The following RBFOX1 variants were observed in gnomAD, a reference collection of about 807,000 sequenced individuals.
RBFOX1 encodes RNA binding fox-1 homolog 1, also known as RNA binding protein fox-1 homolog 1.
RBFOX1 carries 8 observed loss-of-function variants against 57.7 expected under a neutral mutation model. That is an observed-to-expected ratio of 0.14 (90% CI 0.08 to 0.25). The LOEUF (loss-of-function observed/expected upper bound fraction) is 0.25. Ranked by LOEUF, RBFOX1 falls within the 10% of genes least tolerant of loss-of-function variation. RBFOX1 has a pLI of 1.00. For missense variants in RBFOX1, 611 were observed against 548.5 expected (o/e 1.11, Z -1.14); for synonymous variants, 326 against 222.4 (o/e 1.47, Z -4.15).
chr16:7,144,425 T>TTTTTTC (rs1299555108), intron 4 of RBFOX1, among the ~76,000 whole-genome samples: 2 of 139,490 alleles, frequency 1.4e-5, no homozygotes, highest in East Asian at 4.2e-4. Flanking sequence ...TTCTTTTTTT[T>TTTTTTC]TTTTTTTTTT....
rs150737173 is a variant in RBFOX1, at chr16:7,462,586, C to G, written c.28-55561C>G. Among the ~76,000 whole-genome samples the G allele has an allele frequency of 2.0e-5, 3 of 152,354 alleles. No individual in the cohort carries two copies. The East Asian group carries it at 5.8e-4, about 29-fold the overall frequency. ...CTTCGGCATGACTCAACTGGGTCCT[C>G]TGTTTAGAGATTCACAAGACGGAAA... On this transcript the variant is annotated intron_variant, in intron 4 of 15. Coordinates refer to ENST00000550418, the MANE Select transcript of RBFOX1 (RefSeq NM_018723.4).
At chr16:6,999,706 A>G (rs972728884) in intron 3 of RBFOX1, among the ~76,000 whole-genome samples, 9 of 152,046 alleles carry the variant, frequency 5.9e-5, no homozygotes, top group Non-Finnish European at 1.3e-4. Flanking sequence ...TAAATATATC[A>G]GTATGTATAT....
rs143797520 is a variant in RBFOX1, at chr16:7,557,904, G to C, written c.271-21873G>C. On this transcript the variant is annotated intron_variant, in intron 5 of 15. Transcript: ENST00000550418. ...CCAATGCCTCGTCACTGAACACAGA[G>C]TTAGGAAAAAATATGCAGAAGTGGA... 2.3e-3 allele frequency among the ~76,000 whole-genome samples: 344 copies of C among 152,072 alleles called. 1 individual carries two copies. Among genetic ancestry groups the C allele is most frequent in the African/African-American group, 7.6e-3 (317 of 41,464 alleles).
At chr16:5,372,564 G>T (rs891015121) in intron 1 of RBFOX1, among the ~76,000 whole-genome samples, 16 of 152,176 alleles carry the variant, frequency 1.1e-4, no homozygotes, top group African/African-American at 3.6e-4. Context: ...GGGAACGGGG[G>T]TGGTTTAGCC....
At chr16:6,637,601 T>A (rs1233945066) in intron 2 of RBFOX1, among the ~76,000 whole-genome samples, 1 of 146,446 alleles carries the variant, frequency 6.8e-6, no homozygotes, top group Non-Finnish European at 1.5e-5. Flanking sequence ...ATATATATAT[T>A]AGAATGTGCA....
At chr16:5,785,631 G>T (rs558173031) in intron 3 of RBFOX1, among the ~76,000 whole-genome samples, 1 of 152,072 alleles carries the variant, frequency 6.6e-6, no homozygotes, top group South Asian at 2.1e-4. Context: ...GGGTTCAAGT[G>T]ATTCTCCTGC....
chr16:6,952,087 T>C (rs2153526700), intron 3 of RBFOX1, among the ~76,000 whole-genome samples: 1 of 152,300 alleles, frequency 6.6e-6, no homozygotes, highest in East Asian at 1.9e-4. Flanking sequence ...CCTTTATCTT[T>C]CTGAAAACGA....
intron 1 of RBFOX1, among the ~76,000 whole-genome samples, chr16:6,201,642 A>G (rs934083130): frequency 3.9e-5 from 6 of 152,056 alleles, no homozygotes; most frequent in African/African-American, 1.4e-4. Flanking sequence ...ATTTTAGTGT[A>G]TTTTCTAAAA....
intron 1 of RBFOX1, among the ~76,000 whole-genome samples, chr16:6,063,303 G>C (rs2095712360): frequency 1.3e-5 from 2 of 152,128 alleles, no homozygotes; most frequent in Non-Finnish European, 1.5e-5. Flanking sequence ...GAGTCTCCCA[G>C]GCCAGGCTAC....
At chr16:5,540,099 T>C (rs940964115) in intron 2 of RBFOX1, among the ~76,000 whole-genome samples, 1 of 152,172 alleles carries the variant, frequency 6.6e-6, no homozygotes, top group Non-Finnish European at 1.5e-5. Flanking sequence ...AATGAAGATA[T>C]TAAATAGCAA....
At chr16:5,766,752 G>C (rs1339924579) in intron 3 of RBFOX1, among the ~76,000 whole-genome samples, 1 of 152,064 alleles carries the variant, frequency 6.6e-6, no homozygotes, top group Non-Finnish European at 1.5e-5. Context: ...TTTGGGTGGG[G>C]ACAAACATCC....
chr16:6,921,704 G>A (rs1210330129), intron 3 of RBFOX1, among the ~76,000 whole-genome samples: 2 of 150,978 alleles, frequency 1.3e-5, no homozygotes, highest in Non-Finnish European at 2.9e-5. Context: ...CAGAGGTGAT[G>A]GAAAGTTATA....
At chr16:6,586,386 A>C (rs34977564) in intron 2 of RBFOX1, among the ~76,000 whole-genome samples, 60,166 of 152,096 alleles carry the variant, frequency 0.4, 12,848 homozygotes, top group Middle Eastern at 0.53. Flanking sequence ...GTAGTAATCT[A>C]TCTCCAGTGC....
At chr16:6,415,242 CAAAAA>C (rs57296761) in intron 2 of RBFOX1, among the ~76,000 whole-genome samples, 1,176 of 102,056 alleles carry the variant, frequency 0.012, 7 homozygotes, top group Non-Finnish European at 0.015. Context: ...AACTCTGTCA[CAAAAA>C]AAAAAAAAAA....
chr16:6,541,128 C>G (rs1362563163), intron 2 of RBFOX1, among the ~76,000 whole-genome samples: 1 of 152,138 alleles, frequency 6.6e-6, no homozygotes, highest in Non-Finnish European at 1.5e-5. Flanking sequence ...GGAAAATAAC[C>G]TGAGTGTTCA....
At chr16:6,121,737 G>T (rs1487740078) in intron 1 of RBFOX1, among the ~76,000 whole-genome samples, 1 of 152,076 alleles carries the variant, frequency 6.6e-6, no homozygotes, top group East Asian at 1.9e-4. Context: ...ACATTTACCA[G>T]CTGGGTGAAG....
At chr16:6,399,729 C>A (rs945416016) in intron 2 of RBFOX1, among the ~76,000 whole-genome samples, 1 of 152,002 alleles carries the variant, frequency 6.6e-6, no homozygotes, top group Non-Finnish European at 1.5e-5. Context: ...TTAGTTCATT[C>A]TCAAGCTGCT....
At chr16:6,675,338 G>A (rs962085247) in intron 3 of RBFOX1, among the ~76,000 whole-genome samples, 1 of 152,144 alleles carries the variant, frequency 6.6e-6, no homozygotes, top group African/African-American at 2.4e-5. Flanking sequence ...TCTTGCAAAT[G>A]TCATCAGAAG....
chr16:6,889,243 C>A (rs1426516914), intron 3 of RBFOX1, among the ~76,000 whole-genome samples: 2 of 152,182 alleles, frequency 1.3e-5, no homozygotes, highest in African/African-American at 4.8e-5. Flanking sequence ...TCTTCTCCCA[C>A]CCCATTCTTG....
Sources: gnomAD v4.1 joint callset for allele counts (sites outside exome capture counted in the v4.1 genomes callset) on GRCh38, gnomAD v4.1.1 for gene constraint, MANE v1.5 for transcripts, NCBI Gene and HGNC (gene_info 2026-07-23, HGNC 2026-07-21) for gene names.